The following TLE4 variants were observed in gnomAD, a reference collection of about 807,000 sequenced individuals.
TLE4 encodes the protein TLE family member 4, transcriptional corepressor, also known as transducin-like enhancer protein 4.
Under a neutral mutation model 92.8 loss-of-function variants are expected in TLE4, and 8 were observed. The ratio of observed to expected loss-of-function variants is 0.09; its 90% CI spans 0.05 to 0.16. The LOEUF is 0.16. Ranked by LOEUF, TLE4 falls within the 10% of genes least tolerant of loss-of-function variation. TLE4 has a pLI of 1.00. For missense variants in TLE4, 675 were observed against 997.6 expected, an observed-to-expected ratio of 0.68 and a Z score of 4.36; for synonymous variants, 371 against 374.1, an observed-to-expected ratio of 0.99 and a Z score of 0.10.
At chr9:79,614,576 G>A (rs1170746005) in intron 5 of TLE4, among the ~76,000 whole-genome samples, 1 of 152,150 alleles carries the variant, frequency 6.6e-6, no homozygotes, top group African/African-American at 2.4e-5. Flanking sequence ...ATTTGCTCTA[G>A]TCTGGGAAGA....
rs1198974197 is a variant in TLE4 at position 79,652,686 on chromosome 9, C to T, written c.484C>T (p.Pro162Ser). ...AGGGCTCCAGCCCCCTGCCATTCCACCCATCGGTAGCAGTGCCGGGCTTCT... is the reference window on the plus strand; with the variant it reads ...AGGGCTCCAGCCCCCTGCCATTCCATCCATCGGTAGCAGTGCCGGGCTTCT... ...PSGLQPPAIP[P>S]IGSSAGLLAL... Residue 162 changes from proline to serine, a missense_variant, in exon 7 of 20, where the codon CCC becomes TCC. Transcript: ENST00000376552. The T allele has an allele frequency of 6.2e-7, 1 of 1,614,200 alleles. No individual in the cohort carries two copies. The highest frequency in any genetic ancestry group is 2.2e-5 in the East Asian group (1 of 44,872).
chr9:79,651,524 A>C (rs955422874), intron 6 of TLE4, among the ~76,000 whole-genome samples: 9 of 152,134 alleles, frequency 5.9e-5, no homozygotes, highest in African/African-American at 2.2e-4. Context: ...TCACAGTCCC[A>C]CTCAAATAAA....
At chr9:79,573,160 GC>G (rs1420502308) in intron 1 of TLE4, 1 of 850,430 alleles carries the variant, frequency 1.2e-6, no homozygotes, top group African/African-American at 1.8e-5. Context: ...GCGACTCCGC[GC>G]CCGGGCGGGG....
chr9:79,623,962 C>G (rs1239753764), intron 5 of TLE4, among the ~76,000 whole-genome samples: 1 of 151,940 alleles, frequency 6.6e-6, no homozygotes, highest in African/African-American at 2.4e-5. Flanking sequence ...ACCCACCACT[C>G]TGGTGCTAGT....
chr9:79,652,794 G>C lies in TLE4; in HGVS notation c.592G>C (p.Asp198His). ...GCACCATGACAATGATCACCAAAGA[G>C]GTGAGTAACTCTCTTGGAATGCCAA... ...KKHHDNDHQR[D>H]RDSIKSSSVS... The change falls in exon 7 of 20, where the codon GAC (aspartate) becomes CAC (histidine). Residue 198 changes from aspartate to histidine, a missense_variant and splice_region_variant. Physicochemically the swap from Asp to His is moderately conservative, Grantham distance 81 (BLOSUM62 -1). Transcript: ENST00000376552. The C allele has an allele frequency of 1.2e-6, 2 of 1,614,022 alleles. No individual in the cohort carries two copies. The highest frequency in any genetic ancestry group is 1.3e-5 in the African/African-American group (1 of 75,030).
At chr9:79,643,090 G>A (rs576344602) in intron 6 of TLE4, among the ~76,000 whole-genome samples, 1 of 152,130 alleles carries the variant, frequency 6.6e-6, no homozygotes, top group Non-Finnish European at 1.5e-5. Context: ...ATTTGTTAAA[G>A]TAAGGTAAGA....
At position 79,710,576 on chromosome 9, in the gene TLE4, G is replaced by A. The variant is rs562619296; in HGVS notation, c.1340+877G>A. ...CTGACCCTCAGTAGCAGCTCAAGGC[G>A]CCTTCTCCCAGAGGCTTCCCTGGTA... On this transcript the variant is annotated intron_variant, in intron 14 of 19. Transcript: ENST00000376552. Among the ~76,000 whole-genome samples, 179 of 152,196 alleles carry A rather than the reference G, an allele frequency of 1.2e-3. 3 individuals carry two copies. Among genetic ancestry groups the A allele is most frequent in the South Asian group, 3.1e-3 (15 of 4,810 alleles).
intron 8 of TLE4, among the ~76,000 whole-genome samples, chr9:79,675,309 C>T (rs2063089907): frequency 6.6e-6 from 1 of 152,086 alleles, no homozygotes; most frequent in Admixed American, 6.5e-5. Context: ...TCCTCCTGAC[C>T]CTCCAGAAAA....
At chr9:79,674,089 A>G (rs934731091) in intron 8 of TLE4, among the ~76,000 whole-genome samples, 2 of 152,114 alleles carry the variant, frequency 1.3e-5, no homozygotes, top group Admixed American at 6.6e-5. Flanking sequence ...GAAGTGGTTT[A>G]TTGCTTTTCT....
At chr9:79,660,752 ATTGT>A (rs1167960531) in intron 8 of TLE4, among the ~76,000 whole-genome samples, 7 of 152,336 alleles carry the variant, frequency 4.6e-5, no homozygotes, top group East Asian at 1.9e-4. Flanking sequence ...ATGTGTGGTA[ATTGT>A]TTGTTTGTCA....
intron 6 of TLE4, among the ~76,000 whole-genome samples, chr9:79,644,174 A>G (rs113753952): frequency 0.035 from 5,309 of 152,190 alleles, 309 homozygotes; most frequent in African/African-American, 0.12. Context: ...AGTTCTCACA[A>G]GATCTGATGG....
At chr9:79,592,180 T>TTCC (rs751756248) in intron 4 of TLE4, among the ~76,000 whole-genome samples, 10 of 127,842 alleles carry the variant, frequency 7.8e-5, no homozygotes, top group Admixed American at 6.2e-4. Flanking sequence ...CCTCTTCCTC[T>TTCC]TCCTCTTCTT....
At chr9:79,710,102 G>A (rs1426922579) in intron 14 of TLE4, among the ~76,000 whole-genome samples, 2 of 152,176 alleles carry the variant, frequency 1.3e-5, no homozygotes, top group East Asian at 3.9e-4. Flanking sequence ...GCTTAGTTCT[G>A]TTTTCAGAAA....
chr9:79,605,308 A>G (rs1457722358), intron 4 of TLE4, among the ~76,000 whole-genome samples: 1 of 152,122 alleles, frequency 6.6e-6, no homozygotes, highest in Admixed American at 6.6e-5. Context: ...AGAACTGAGT[A>G]TAACCGTGGT....
intron 8 of TLE4, among the ~76,000 whole-genome samples, chr9:79,665,201 A>C (rs2061194848): frequency 6.6e-6 from 1 of 152,204 alleles, no homozygotes; most frequent in Non-Finnish European, 1.5e-5. Flanking sequence ...CAACTGACTA[A>C]AAATTATATT....
chr9:79,726,849 T>C lies in TLE4; in HGVS notation c.*1705T>C, dbSNP rs540093948. 1.2e-4 allele frequency: 19 copies of C among 152,530 alleles called. No homozygotes were observed. Among genetic ancestry groups the C allele is most frequent in the Non-Finnish European group, 2.4e-4 (16 of 68,042 alleles). 9.4% of individuals were successfully genotyped at this position (152,530 alleles called of 1,614,324 possible). On this transcript the variant is annotated 3_prime_UTR_variant, in exon 20 of 20. Transcript: ENST00000376552. ...TGCCTAGTTTTTTCAAGGGAGATTG[T>C]TGTTAAAGTAAAGTGGTTTTTTTTG...
At chr9:79,663,591 C>G (rs2060901886) in intron 8 of TLE4, 3 of 152,182 alleles carry the variant, frequency 2.0e-5, no homozygotes, top group African/African-American at 7.2e-5. Flanking sequence ...CCCCTGGTTT[C>G]ATAGAAAACA....
intron 6 of TLE4, among the ~76,000 whole-genome samples, chr9:79,636,744 T>C: frequency 6.6e-6 from 1 of 152,172 alleles, no homozygotes; most frequent in South Asian, 2.1e-4. Flanking sequence ...TTGTTATGCA[T>C]CACTTTCCCT....
intron 15 of TLE4, among the ~76,000 whole-genome samples, 199 bp from the exon 16 acceptor site, chr9:79,719,847 A>G (rs2075275833): frequency 6.6e-6 from 1 of 152,200 alleles, no homozygotes; most frequent in Non-Finnish European, 1.5e-5. Context: ...ATATCTCAGT[A>G]CTACATTTTG....
Sources: gnomAD v4.1 joint callset for allele counts (sites outside exome capture counted in the v4.1 genomes callset) on GRCh38, gnomAD v4.1.1 for gene constraint, MANE v1.5 for transcripts, NCBI Gene and HGNC (gene_info 2026-07-23, HGNC 2026-07-21) for gene names.